BRF1: variants seen among roughly 807,000 people sequenced by gnomAD.
The protein encoded by BRF1 is BRF1 general transcription factor IIIB subunit, also known as transcription factor IIIB 90 kDa subunit.
In BRF1, 59 loss-of-function variants were observed where a neutral mutation model predicts 81.7. That is an observed-to-expected ratio of 0.72 (90% confidence interval 0.59 to 0.90). BRF1 has a LOEUF of 0.90. BRF1 is among the 40% of genes least tolerant of loss of function. BRF1 has a pLI of 0.00. For synonymous variants in BRF1, 491 were observed against 395.6 expected, an observed-to-expected ratio of 1.24 and a Z score of -2.86; for missense variants, 1,050 against 936.3, an observed-to-expected ratio of 1.12 and a Z score of -1.58.
chr14:105,314,378 TTCC>T (rs2058454608), intron 1 of BRF1: 2 of 151,118 alleles, frequency 1.3e-5, no homozygotes, highest in African/African-American at 4.9e-5. Context: ...ACGATGAGCT[TTCC>T]TTAGGGGGCG....
chr14:105,229,034 G>A, intron 6 of BRF1, 121 bp from the exon 7 acceptor site: 1 of 856,736 alleles, frequency 1.2e-6, no homozygotes, highest in Non-Finnish European at 1.9e-6. Flanking sequence ...AGACGTGTCT[G>A]TGCCAGGCAG....
At chr14:105,283,643 C>T (rs2057201599) in intron 2 of BRF1, among the ~76,000 whole-genome samples, 1 of 152,216 alleles carries the variant, frequency 6.6e-6, no homozygotes, top group African/African-American at 2.4e-5. Flanking sequence ...ATTTCTCTTT[C>T]TCTGTTGTTG....
At chr14:105,250,624 G>C (rs765380066) in intron 5 of BRF1, 2 of 1,613,836 alleles carry the variant, frequency 1.2e-6, no homozygotes, top group Non-Finnish European at 1.7e-6. Context: ...GCACCAACGG[G>C]ACTGGGGTCC....
rs1026226451 is a variant in BRF1 at position 105,278,737 on chromosome 14, T to C, written c.266-5843A>G. On this transcript the variant is annotated intron_variant, in intron 2 of 17. Coordinates refer to ENST00000547530, the MANE Select transcript of BRF1 (RefSeq NM_001519.4). Reference sequence around the variant, plus strand: ...CCTGGCCAACATGGTGAGACCCCCATCTCTATTTAAAAAAAAAAAAGAATT... The same window carrying C: ...CCTGGCCAACATGGTGAGACCCCCACCTCTATTTAAAAAAAAAAAAGAATT... 3.3e-5 allele frequency among the ~76,000 whole-genome samples: 5 copies of C among 150,212 alleles called. No individual in the cohort carries two copies. In the Admixed American group the frequency reaches 3.3e-4, roughly 10 times the overall value.
At chr14:105,247,889 C>T (rs2055231143) in intron 5 of BRF1, 1 of 985,654 alleles carries the variant, frequency 1.0e-6, no homozygotes, top group Non-Finnish European at 1.2e-6. Context: ...ATGCCACGCA[C>T]CTCCCAGGAT....
rs1377755260 is a variant in BRF1 at position 105,283,207 on chromosome 14, G to A, written c.265+3089C>T. ...GACTGGCAGCAAAAGGGACGACTCC[G>A]GCGAAAAGTCAGCAGGAAACAGGAC... On this transcript the variant is annotated intron_variant, in intron 2 of 17. Transcript: ENST00000547530. Among the ~76,000 whole-genome samples, 15 of 152,288 alleles carry A rather than the reference G, an allele frequency of 9.8e-5. No individual in the cohort carries two copies. In the East Asian group the frequency reaches 2.7e-3, roughly 27 times the overall value.
chr14:105,248,250 C>T (rs2140269777), intron 5 of BRF1: 1 of 985,492 alleles, frequency 1.0e-6, no homozygotes, highest in Non-Finnish European at 1.2e-6. Context: ...TCCCACAGGC[C>T]GCGGCCAGAG....
At chr14:105,241,591 A>G in intron 5 of BRF1, 177 bp from the exon 6 acceptor site, 1 of 832,934 alleles carries the variant, frequency 1.2e-6, no homozygotes, top group Non-Finnish European at 1.8e-6. Flanking sequence ...CAGCCATCGC[A>G]CCGAACCCAG....
chr14:105,248,860 C>T, intron 5 of BRF1: 1 of 989,962 alleles, frequency 1.0e-6, no homozygotes, highest in Non-Finnish European at 1.2e-6. Context: ...CCCGCCGCCC[C>T]GCCCGCGAAG....
intron 5 of BRF1, among the ~76,000 whole-genome samples, chr14:105,243,924 C>T (rs1216619613): frequency 4.0e-5 from 6 of 151,842 alleles, no homozygotes; most frequent in East Asian, 1.9e-4. Flanking sequence ...TGCTTGAACC[C>T]GGGAGGTGGA....
At position 105,315,029 on chromosome 14, in the gene BRF1, C is replaced by T; in HGVS notation, c.-162+293G>A. On this transcript the variant is annotated intron_variant, in intron 1 of 17. Transcript: ENST00000327359. The surrounding 1 kb of genome is among the most constrained non-coding windows in gnomAD (Gnocchi z 4.4). Reference sequence around the variant, plus strand: ...AGGTGGACGGCTCCAGCCCCAGCTGCGTGCCCAGGTACGCGCCGCCCGCCG... The same window carrying T: ...AGGTGGACGGCTCCAGCCCCAGCTGTGTGCCCAGGTACGCGCCGCCCGCCG... 1 of 1,214,838 alleles carries T rather than the reference C, an allele frequency of 8.2e-7. No homozygotes were observed. The highest frequency in any genetic ancestry group is 1.9e-5 in the South Asian group (1 of 52,442). The allele number at this position is 1,214,838 out of a possible 1,614,324, so 75.3% of individuals were successfully genotyped here.
chr14:105,285,846 A>G (rs1157184636), intron 2 of BRF1, among the ~76,000 whole-genome samples: 1 of 152,230 alleles, frequency 6.6e-6, no homozygotes, highest in East Asian at 1.9e-4. Flanking sequence ...CCTAAAATAT[A>G]TAAAATCACA....
At chr14:105,216,773 C>G (rs955531960) in intron 15 of BRF1, among the ~76,000 whole-genome samples, 2 of 152,240 alleles carry the variant, frequency 1.3e-5, no homozygotes. Context: ...CGCAAGAGAT[C>G]CCAAGAAGCA....
Position 105,228,846 on chromosome 14 carries a change from T to G in BRF1, c.762A>C (p.Lys254Asn), listed in dbSNP as rs776597244. The G allele has an allele frequency of 3.1e-6, 5 of 1,613,788 alleles. No homozygotes were observed. The African/African-American group carries it at 4.0e-5, about 13-fold the overall frequency. ...RTVKEVISVV[K>N]VCESTLRKRL... Reference sequence around the variant, plus strand: ...TCTTCCGCAGCGTGGACTCACACACTTTGACCACACTGATGACCTCCTTCA... The same window carrying G: ...TCTTCCGCAGCGTGGACTCACACACGTTGACCACACTGATGACCTCCTTCA... The change falls in exon 7 of 18, where the codon AAA (lysine) becomes AAC (asparagine). Residue 254 changes from lysine to asparagine, a missense_variant. Lys to Asn is a moderately conservative substitution (Grantham distance 94). Around this residue, in one of 2 missense-constraint regions of BRF1, gnomAD observed 1,043 missense variants for 915.4 expected, o/e 1.14. Transcript: ENST00000547530.
upstream of BRF1, among the ~76,000 whole-genome samples, chr14:105,302,280 T>C (rs1290562590): frequency 2.0e-5 from 3 of 148,874 alleles, no homozygotes; most frequent in South Asian, 6.8e-4. Flanking sequence ...ATCGGCTCAC[T>C]GCAACCTCTG....
chr14:105,241,103 C>G (rs939106691), intron 6 of BRF1, among the ~76,000 whole-genome samples, 162 bp downstream of exon 6: 1 of 152,196 alleles, frequency 6.6e-6, no homozygotes, highest in Non-Finnish European at 1.5e-5. Context: ...TCCTGGAGGG[C>G]TGAGGACCCC....
At position 105,217,598 on chromosome 14, in the gene BRF1, C is replaced by T. The variant is rs1177171163; in HGVS notation, c.1718G>A (p.Arg573Lys). 1.2e-6 allele frequency: 2 copies of T among 1,613,492 alleles called. No homozygotes were observed. Among genetic ancestry groups the T allele is most frequent in the Non-Finnish European group, 1.7e-6 (2 of 1,180,002 alleles). ...HSASARKLSR[R>K]RTPASRSGAD... Reference sequence around the variant, plus strand: ...CCCACTTCTGCTGGCCGGCGTCCTCCTTCGTGACAGCTTCCTGGCACTGGC... The same window carrying T: ...CCCACTTCTGCTGGCCGGCGTCCTCTTTCGTGACAGCTTCCTGGCACTGGC... Residue 573 changes from arginine (R) to lysine (K), a missense_variant, in exon 15 of 18, where the codon AGG (arginine) becomes AAG (lysine). By Grantham distance (26) the Arg-to-Lys change is conservative (BLOSUM62 2). Transcript: ENST00000547530.
At chr14:105,215,502 C>T (rs587616742) in intron 15 of BRF1, among the ~76,000 whole-genome samples, 21 of 152,060 alleles carry the variant, frequency 1.4e-4, no homozygotes, top group African/African-American at 4.6e-4. Flanking sequence ...AGTGCACCAA[C>T]GCACACACGT....
chr14:105,306,760 T>C (rs1461320447), intron 1 of BRF1, among the ~76,000 whole-genome samples: 1 of 152,154 alleles, frequency 6.6e-6, no homozygotes, highest in Non-Finnish European at 1.5e-5. Flanking sequence ...CACCTGCCAC[T>C]GCGCCCAGCT....
Sources: allele counts gnomAD v4.1 joint callset (sites outside exome capture counted in the v4.1 genomes callset), GRCh38; gene constraint gnomAD v4.1.1; regional missense constraint gnomAD v4.1.1; non-coding constraint Gnocchi (gnomAD v3.1); transcripts MANE v1.5; gene names NCBI Gene and HGNC (gene_info 2026-07-23, HGNC 2026-07-21).